SYNPR: variants seen among roughly 807,000 people sequenced by gnomAD.
SYNPR encodes the protein synaptoporin.
In SYNPR, 23 loss-of-function variants were observed where a neutral mutation model predicts 32.9. The ratio of observed to expected loss-of-function variants is 0.70; its 90% CI spans 0.50 to 0.99. The LOEUF (loss-of-function observed/expected upper bound fraction) is 0.99. Among genes scored for constraint, SYNPR ranks in the 50% least tolerant of loss-of-function variants. SYNPR has a pLI of 0.00. For synonymous variants in SYNPR, 146 were observed against 135.9 expected, an observed-to-expected ratio of 1.07 and a Z score of -0.52; for missense variants, 318 against 349.3, an observed-to-expected ratio of 0.91 and a Z score of 0.71.
At chr3:63,321,427 A>G (rs182807976) in intron 2 of SYNPR, among the ~76,000 whole-genome samples, 28 of 152,162 alleles carry the variant, frequency 1.8e-4, no homozygotes, top group Non-Finnish European at 3.7e-4. Flanking sequence ...ACTGATCTCT[A>G]TTTCTGGAAT....
chr3:63,373,288 T>C (rs2087843909), intron 2 of SYNPR, among the ~76,000 whole-genome samples: 1 of 152,120 alleles, frequency 6.6e-6, no homozygotes, highest in African/African-American at 2.4e-5. Flanking sequence ...ATTATTGATA[T>C]TCAGAAGAAA....
intron 3 of SYNPR, among the ~76,000 whole-genome samples, chr3:63,504,665 A>G (rs184090332): frequency 5.3e-5 from 8 of 152,306 alleles, no homozygotes; most frequent in Admixed American, 4.6e-4. Flanking sequence ...ATTAAATATT[A>G]TTTTAAAATA....
At chr3:63,279,040 G>C (rs955714069) in intron 2 of SYNPR, among the ~76,000 whole-genome samples, 3 of 152,178 alleles carry the variant, frequency 2.0e-5, no homozygotes, top group Non-Finnish European at 4.4e-5. Context: ...CCCCTTGGGA[G>C]ATAGGGGAGG....
At chr3:63,375,193 C>T (rs758586772) in intron 2 of SYNPR, among the ~76,000 whole-genome samples, 6 of 152,066 alleles carry the variant, frequency 3.9e-5, no homozygotes, top group African/African-American at 7.2e-5. Context: ...ACTAGAAATA[C>T]CATTTGACCC....
At chr3:63,567,175 C>G (rs1270572873) in intron 4 of SYNPR, among the ~76,000 whole-genome samples, 1 of 152,150 alleles carries the variant, frequency 6.6e-6, no homozygotes, top group Admixed American at 6.5e-5. Flanking sequence ...CCCCTCCCTT[C>G]AGCTATCCCA....
At chr3:63,555,104 G>C (rs1702572709) in intron 3 of SYNPR, among the ~76,000 whole-genome samples, 2 of 151,812 alleles carry the variant, frequency 1.3e-5, no homozygotes, top group South Asian at 4.2e-4. Context: ...GTTTTAGTAG[G>C]CTTTTAGCAG....
At chr3:63,252,984 A>G (rs556991075) in intron 2 of SYNPR, among the ~76,000 whole-genome samples, 2 of 149,988 alleles carry the variant, frequency 1.3e-5, no homozygotes, top group Non-Finnish European at 3.0e-5. Flanking sequence ...GGTTGCAGTG[A>G]GCTGAGATTA....
chr3:63,584,335 G>A (rs1477031278), intron 4 of SYNPR, among the ~76,000 whole-genome samples: 1 of 152,086 alleles, frequency 6.6e-6, no homozygotes, highest in Non-Finnish European at 1.5e-5. Flanking sequence ...CATTCCTTTG[G>A]CAAGAGAGAA....
chr3:63,315,035 A>T (rs1031864114), intron 2 of SYNPR, among the ~76,000 whole-genome samples: 2 of 152,026 alleles, frequency 1.3e-5, no homozygotes, highest in African/African-American at 4.8e-5. Context: ...GTCAAAGTTC[A>T]GTTGGCTGTA....
At chr3:63,497,629 T>C (rs1701397728) in intron 3 of SYNPR, among the ~76,000 whole-genome samples, 1 of 151,638 alleles carries the variant, frequency 6.6e-6, no homozygotes, top group African/African-American at 2.4e-5. Flanking sequence ...AAATTACTAC[T>C]CTGATTACCA....
chr3:63,562,460 G>A (rs1702707146), intron 4 of SYNPR, among the ~76,000 whole-genome samples: 1 of 152,134 alleles, frequency 6.6e-6, no homozygotes. Context: ...AAAGACAGAG[G>A]CTATGTTATT....
intron 2 of SYNPR, among the ~76,000 whole-genome samples, chr3:63,337,207 G>C (rs982361233): frequency 5.7e-5 from 8 of 141,048 alleles, no homozygotes; most frequent in Non-Finnish European, 1.2e-4. Flanking sequence ...ACTCCAGCCT[G>C]GGTGACAGAG....
chr3:63,536,936 TGAGG>T (rs1702219928), intron 3 of SYNPR, among the ~76,000 whole-genome samples: 1 of 152,028 alleles, frequency 6.6e-6, no homozygotes, highest in East Asian at 1.9e-4. Context: ...TTTCCAGGGC[TGAGG>T]GATGAATGAA....
intron 2 of SYNPR, among the ~76,000 whole-genome samples, chr3:63,254,938 T>A (rs1452027976): frequency 2.6e-5 from 4 of 152,090 alleles, no homozygotes; most frequent in Non-Finnish European, 5.9e-5. Context: ...AAGATGGCCA[T>A]CCATGGAAGA....
chr3:63,570,875 C>T (rs1702873700), intron 4 of SYNPR, among the ~76,000 whole-genome samples: 1 of 152,194 alleles, frequency 6.6e-6, no homozygotes. Context: ...TAATGATCTT[C>T]ATCAAGGATA....
intron 2 of SYNPR, among the ~76,000 whole-genome samples, chr3:63,476,204 AGGAAGGAAGGAG>A (rs1700910097): frequency 1.4e-5 from 1 of 70,208 alleles, no homozygotes; most frequent in Non-Finnish European, 2.9e-5. Context: ...AAGCAAGGGA[AGGAAGGAAGGAG>A]GGAAGGGAAG....
chr3:63,246,808 T>C (rs2086294472), intron 1 of SYNPR, among the ~76,000 whole-genome samples: 1 of 152,116 alleles, frequency 6.6e-6, no homozygotes, highest in Admixed American at 6.6e-5. Context: ...AATTCAAAAC[T>C]TGGATAAGAT....
intron 3 of SYNPR, among the ~76,000 whole-genome samples, chr3:63,508,914 T>G (rs1210622183): frequency 1.3e-5 from 2 of 152,126 alleles, no homozygotes; most frequent in Admixed American, 1.3e-4. Flanking sequence ...GAACCTTGTC[T>G]CTAGTCTTCT....
rs551717600 is a variant in SYNPR, at chr3:63,541,009, C to A, written c.210-15534C>A. ...CCTGGCCAATTAGTACATCTATTTCCCTGGCCTTGGTGATTGTTTTTGAGA... is the reference window on the plus strand; with the variant it reads ...CCTGGCCAATTAGTACATCTATTTCACTGGCCTTGGTGATTGTTTTTGAGA... On this transcript the variant is annotated intron_variant, in intron 3 of 5. Transcript: ENST00000478300. Among the ~76,000 whole-genome samples, 91 of 149,628 alleles carry A rather than the reference C, an allele frequency of 6.1e-4. 1 individual carries two copies. In the Middle Eastern group the frequency reaches 0.034, roughly 56 times the overall value.
Sources: gnomAD v4.1 joint callset for allele counts (sites outside exome capture counted in the v4.1 genomes callset) on GRCh38, gnomAD v4.1.1 for gene constraint, MANE v1.5 for transcripts, NCBI Gene and HGNC (gene_info 2026-07-23, HGNC 2026-07-21) for gene names.